Variants in IDO2 observed in about 807,000 individuals in gnomAD.
IDO2 encodes the protein indoleamine 2,3-dioxygenase-like 1 protein.
IDO2 carries 46 observed loss-of-function variants against 45.1 expected under a neutral mutation model. The ratio of observed to expected loss-of-function variants is 1.02; its 90% CI spans 0.80 to 1.30. The LOEUF is 1.30. IDO2 is among the 50% of genes most tolerant of loss of function. IDO2 has a pLI of 0.00. For synonymous variants in IDO2, 218 were observed against 184.9 expected, an observed-to-expected ratio of 1.18 and a Z score of -1.45; for missense variants, 544 against 491.8, an observed-to-expected ratio of 1.11 and a Z score of -1.00.
intron 2 of IDO2, among the ~76,000 whole-genome samples, chr8:39,958,411 T>C (rs891050723): frequency 2.0e-5 from 3 of 151,138 alleles, no homozygotes; most frequent in African/African-American, 4.9e-5. Flanking sequence ...TTTTTTTCTT[T>C]TTTTGGAGAC....
chr8:39,994,262 CTT>C (rs35840300), intron 8 of IDO2, among the ~76,000 whole-genome samples: 2 of 142,432 alleles, frequency 1.4e-5, no homozygotes, highest in African/African-American at 2.6e-5. Flanking sequence ...TTCTTTCTTT[CTT>C]TTTTTTTTTT....
At chr8:39,968,393 G>C (rs1430605741) in intron 3 of IDO2, among the ~76,000 whole-genome samples, 2 of 152,170 alleles carry the variant, frequency 1.3e-5, no homozygotes, top group Non-Finnish European at 2.9e-5. Flanking sequence ...GTAATATATA[G>C]GGGAATGTTT....
At chr8:40,003,391 A>ACT (rs961166006) in intron 8 of IDO2, among the ~76,000 whole-genome samples, 1 of 142,978 alleles carries the variant, frequency 7.0e-6, no homozygotes, top group Admixed American at 7.1e-5. Context: ...AAAAAAAAAA[A>ACT]GAAAACGAGA....
At chr8:39,961,519 A>G (rs1807997315) in intron 2 of IDO2, among the ~76,000 whole-genome samples, 1 of 151,650 alleles carries the variant, frequency 6.6e-6, no homozygotes, top group Admixed American at 6.6e-5. Flanking sequence ...ACAGGATTTC[A>G]CCATGTTGGT....
rs1025885928 is a variant in IDO2, at chr8:39,989,646, C to T, written c.550-75C>T. 5.9e-6 allele frequency: 6 copies of T among 1,022,900 alleles called. No homozygotes were observed. In the Admixed American group the frequency reaches 7.3e-5, roughly 12 times the overall value. The allele number at this position is 1,022,900 out of a possible 1,614,324, so 63.4% of individuals were successfully genotyped here. A position where few individuals can be genotyped will look rare whatever the true frequency, so the allele number is the denominator to read the frequency against. ...TGTCCGGTCCTCCCCTGGGTTCCAA[C>T]AGTATGAGGCTTACTCTGCCTGCAT... On this transcript the variant is annotated intron_variant, in intron 7 of 10. Transcript: ENST00000502986.
At chr8:39,982,731 A>T (rs1296685298) in exon 5 of IDO2, 1 of 1,609,660 alleles carries the variant, frequency 6.2e-7, no homozygotes, top group South Asian at 1.1e-5. Flanking sequence ...GTCCACTCAG[A>T]CTTGGTGCTG....
intron 9 of IDO2, among the ~76,000 whole-genome samples, chr8:40,010,156 T>C (rs1375047213): frequency 6.6e-6 from 1 of 152,182 alleles, no homozygotes; most frequent in African/African-American, 2.4e-5. Flanking sequence ...TTAGAGACTG[T>C]CGAATGTAGT....
At chr8:39,972,670 G>A (rs1017554722) in intron 3 of IDO2, among the ~76,000 whole-genome samples, 3 of 140,212 alleles carry the variant, frequency 2.1e-5, no homozygotes, top group African/African-American at 8.0e-5. Flanking sequence ...CAAACAGATT[G>A]CATGCATGCA....
rs550767438 is a variant in IDO2, at chr8:40,001,210, C to A, written c.668-4117C>A. ...TCTGTGTATACAGGTACTCACCATT[C>A]GTGCCTATTTTCTGTAAAATATGTG... On this transcript the variant is annotated intron_variant, in intron 8 of 10. Transcript: ENST00000502986. 2.7e-5 allele frequency among the ~76,000 whole-genome samples: 4 copies of A among 146,524 alleles called. No individual in the cohort carries two copies. In the Admixed American group the frequency reaches 2.8e-4, roughly 10 times the overall value.
At chr8:39,947,195 A>G in intron 1 of IDO2, among the ~76,000 whole-genome samples, 1 of 144,750 alleles carries the variant, frequency 6.9e-6, no homozygotes, top group African/African-American at 2.5e-5. Flanking sequence ...AAAAAAAAAA[A>G]GAAGTAGAGT....
chr8:39,997,544 C>T (rs113106878), intron 8 of IDO2, among the ~76,000 whole-genome samples: 8,485 of 151,946 alleles, frequency 0.056, 808 homozygotes, highest in African/African-American at 0.19. Flanking sequence ...TGGTGGTGAG[C>T]GCCTGTGGTT....
At chr8:39,936,860 T>A (rs1300694513) in intron 1 of IDO2, among the ~76,000 whole-genome samples, 1 of 152,232 alleles carries the variant, frequency 6.6e-6, no homozygotes, top group Non-Finnish European at 1.5e-5. Flanking sequence ...AACGTGGAAG[T>A]CGTCCTTCCT....
intron 9 of IDO2, among the ~76,000 whole-genome samples, chr8:40,006,264 C>T (rs78746324): frequency 0.056 from 8,549 of 152,194 alleles, 818 homozygotes; most frequent in African/African-American, 0.19. Context: ...ACATTTGGTA[C>T]AGTATTTAAT....
chr8:39,997,516 A>G (rs1802064273), intron 8 of IDO2, among the ~76,000 whole-genome samples: 1 of 149,718 alleles, frequency 6.7e-6, no homozygotes. Flanking sequence ...ACAAAAAAAT[A>G]CAAAAATTAG....
chr8:39,948,228 G>T (rs969598974), intron 1 of IDO2, among the ~76,000 whole-genome samples: 7 of 152,180 alleles, frequency 4.6e-5, no homozygotes, highest in Non-Finnish European at 1.0e-4. Context: ...ATTTCAAAAA[G>T]TTATTGTGTT....
rs201993593 is a variant in IDO2 at position 39,982,230 on chromosome 8, A to ATG, written c.316-416_316-415dup. On this transcript the variant is annotated intron_variant, in intron 4 of 10. Coordinates refer to ENST00000502986, the Ensembl canonical transcript of IDO2. ...ATGTATCTATCATCTCTCTCTATATATGTGTGTATATATATATATATATGT... is the reference window on the plus strand; with the variant it reads ...ATGTATCTATCATCTCTCTCTATATATGTGTGTGTATATATATATATATATGT... Among the ~76,000 whole-genome samples the ATG allele has an allele frequency of 0.034, 2,277 of 66,146 alleles. 234 individuals carry two copies. In the East Asian group the frequency reaches 0.38, roughly 11 times the overall value. 43.4% of individuals were successfully genotyped at this position (66,146 alleles called of 152,430 possible). A position where few individuals can be genotyped will look rare whatever the true frequency, so the allele number is the denominator to read the frequency against.
chr8:39,962,690 C>T (rs2543049), intron 2 of IDO2, among the ~76,000 whole-genome samples: 54,973 of 151,540 alleles, frequency 0.36, 10,469 homozygotes, highest in East Asian at 0.58. Flanking sequence ...CACAATGGAG[C>T]ACCAGGACTT....
exon 5 of IDO2, chr8:39,982,743 C>T (rs369922004): frequency 1.8e-5 from 29 of 1,603,152 alleles, no homozygotes; most frequent in East Asian, 4.5e-5. Flanking sequence ...TTGGTGCTGA[C>T]GAACTGGACC....
At chr8:39,946,283 C>T (rs953722399) in intron 1 of IDO2, among the ~76,000 whole-genome samples, 2 of 152,182 alleles carry the variant, frequency 1.3e-5, no homozygotes, top group East Asian at 1.9e-4. Flanking sequence ...ACTCCTGGCT[C>T]GCTGGCCTCC....
Sources: allele counts gnomAD v4.1 joint callset (sites outside exome capture counted in the v4.1 genomes callset), GRCh38; gene constraint gnomAD v4.1.1; transcripts MANE v1.5; gene names NCBI Gene and HGNC (gene_info 2026-07-23, HGNC 2026-07-21).